The following RBFOX1 variants were observed in gnomAD, a reference collection of about 807,000 sequenced individuals.
RBFOX1 encodes the protein RNA binding fox-1 homolog 1.
RBFOX1 carries 8 observed loss-of-function variants against 57.7 expected under a neutral mutation model. That is an observed-to-expected ratio of 0.14 (90% CI 0.08 to 0.25). The LOEUF is 0.25. RBFOX1 is among the 10% of genes least tolerant of loss of function. The pLI, the probability that RBFOX1 is intolerant of heterozygous loss-of-function variation, is 1.00. For synonymous variants in RBFOX1, 326 were observed against 222.4 expected (o/e 1.47, Z -4.15); for missense variants, 611 against 548.5 (o/e 1.11, Z -1.14).
chr16:6,824,230 C>T (rs1280505486), intron 3 of RBFOX1, among the ~76,000 whole-genome samples: 1 of 152,178 alleles, frequency 6.6e-6, no homozygotes, highest in Non-Finnish European at 1.5e-5. Context: ...CATGGCGAAA[C>T]TCCATCTCCA....
chr16:7,509,946 T>G (rs1243297490), intron 4 of RBFOX1, among the ~76,000 whole-genome samples: 1 of 149,688 alleles, frequency 6.7e-6, no homozygotes, highest in Non-Finnish European at 1.5e-5. Flanking sequence ...TAAACAGCTA[T>G]TAATGTGGTC....
intron 2 of RBFOX1, chr16:6,483,845 A>T (rs1436402368): frequency 8.2e-7 from 1 of 1,212,724 alleles, no homozygotes; most frequent in African/African-American, 1.6e-5. Context: ...TTGGCCGTGG[A>T]TGGAATCCGG....
At chr16:6,395,004 A>G (rs563962170) in intron 2 of RBFOX1, among the ~76,000 whole-genome samples, 1 of 152,210 alleles carries the variant, frequency 6.6e-6, no homozygotes, top group Non-Finnish European at 1.5e-5. Context: ...GAAAATGATA[A>G]TCAGGGAAAT....
At chr16:6,795,242 A>T (rs1010989604) in intron 3 of RBFOX1, among the ~76,000 whole-genome samples, 2 of 152,026 alleles carry the variant, frequency 1.3e-5, no homozygotes, top group Admixed American at 6.6e-5. Flanking sequence ...AACCACCTAA[A>T]TTTTTTAATT....
intron 4 of RBFOX1, among the ~76,000 whole-genome samples, chr16:7,133,748 C>T (rs1045126103): frequency 6.6e-6 from 1 of 151,882 alleles, no homozygotes; most frequent in African/African-American, 2.4e-5. Context: ...TAGAATAACA[C>T]ATCATTAAGA....
At chr16:7,679,193 G>A (rs1381257649) in intron 14 of RBFOX1, among the ~76,000 whole-genome samples, 6 of 152,160 alleles carry the variant, frequency 3.9e-5, no homozygotes, top group Non-Finnish European at 8.8e-5. Context: ...TCTGTAATAA[G>A]CAGATATTGA....
At chr16:6,039,319 G>A (rs1412424967) in intron 1 of RBFOX1, among the ~76,000 whole-genome samples, 5 of 144,078 alleles carry the variant, frequency 3.5e-5, no homozygotes, top group African/African-American at 1.0e-4. Context: ...AAAAATCTGA[G>A]GATAAGCTGT....
intron 3 of RBFOX1, among the ~76,000 whole-genome samples, chr16:7,046,163 G>A (rs535671556): frequency 6.6e-6 from 1 of 151,916 alleles, no homozygotes; most frequent in South Asian, 2.1e-4. Context: ...CAGCCATTTA[G>A]TTTATATTTT....
intron 4 of RBFOX1, among the ~76,000 whole-genome samples, chr16:5,977,076 C>G (rs779226492): frequency 6.6e-6 from 1 of 152,024 alleles, no homozygotes; most frequent in Non-Finnish European, 1.5e-5. Flanking sequence ...GTCTCAGAGC[C>G]CAGGAATCTG....
chr16:5,380,815 C>T (rs149942227), intron 1 of RBFOX1, among the ~76,000 whole-genome samples: 386 of 152,320 alleles, frequency 2.5e-3, no homozygotes, highest in Non-Finnish European at 4.1e-3. Flanking sequence ...TTGCTTTGTG[C>T]CCTATGCACT....
At chr16:7,136,643 C>G (rs557755409) in intron 4 of RBFOX1, among the ~76,000 whole-genome samples, 14 of 152,128 alleles carry the variant, frequency 9.2e-5, no homozygotes, top group Admixed American at 6.5e-5. Context: ...TCTTGAACTC[C>G]TGGCCTCAAA....
Position 7,710,252 on chromosome 16 carries a change from A to C in RBFOX1, c.1072-371A>C, listed in dbSNP as rs550009499. ...AACTCTGCTTCAACACCTAGTCCACATGAGGAATGTGTTGGAGAGTTGAAT... is the reference window on the plus strand; with the variant it reads ...AACTCTGCTTCAACACCTAGTCCACCTGAGGAATGTGTTGGAGAGTTGAAT... On this transcript the variant is annotated intron_variant, in intron 15 of 15. Transcript: ENST00000550418. 16 of 1,079,728 alleles carry C rather than the reference A, an allele frequency of 1.5e-5. 1 individual carries two copies. The South Asian group carries it at 5.0e-4, about 34-fold the overall frequency. The allele number at this position is 1,079,728 out of a possible 1,614,324, so 66.9% of individuals were successfully genotyped here.
chr16:7,347,817 C>A (rs2097046628), intron 4 of RBFOX1, among the ~76,000 whole-genome samples: 1 of 152,160 alleles, frequency 6.6e-6, no homozygotes, highest in Non-Finnish European at 1.5e-5. Context: ...GCTGAGTAGT[C>A]CTGGGAAAGC....
intron 4 of RBFOX1, 80 bp from the exon 5 acceptor site, chr16:7,518,067 C>CCTGGGATCTGGGATCTGGGAT (rs2076756395): frequency 6.6e-7 from 1 of 1,518,406 alleles, no homozygotes; most frequent in African/African-American, 1.4e-5. Flanking sequence ...GCACGATCGT[C>CCTGGGATCTGGGATCTGGGAT]CTGGGATCTG....
intron 4 of RBFOX1, among the ~76,000 whole-genome samples, chr16:6,009,925 A>G (rs1247059540): frequency 6.6e-6 from 1 of 152,120 alleles, no homozygotes; most frequent in Admixed American, 6.6e-5. Flanking sequence ...CTGGATTTTG[A>G]TAAGCATTAC....
chr16:6,125,692 A>G (rs1166070085), intron 1 of RBFOX1, among the ~76,000 whole-genome samples: 5 of 152,158 alleles, frequency 3.3e-5, no homozygotes, highest in Admixed American at 1.3e-4. Flanking sequence ...TGCGTGTCTA[A>G]CCTGGATTGA....
intron 4 of RBFOX1, among the ~76,000 whole-genome samples, chr16:7,280,048 C>T (rs909312320): frequency 4.1e-4 from 63 of 152,122 alleles, no homozygotes; most frequent in African/African-American, 1.3e-3. Flanking sequence ...GTTCCCGCTG[C>T]GATTGGATCT....
intron 2 of RBFOX1, among the ~76,000 whole-genome samples, chr16:6,355,285 G>GC (rs1300777711): frequency 2.7e-5 from 4 of 150,722 alleles, no homozygotes. Flanking sequence ...CACTCCCCCA[G>GC]CCCCCCAGCC....
chr16:6,218,981 A>G (rs2097354344), intron 1 of RBFOX1, among the ~76,000 whole-genome samples: 1 of 152,202 alleles, frequency 6.6e-6, no homozygotes, highest in African/African-American at 2.4e-5. Context: ...AGTAGCACGT[A>G]TGTCAAAATG....
Sources: allele counts gnomAD v4.1 joint callset (sites outside exome capture counted in the v4.1 genomes callset), GRCh38; gene constraint gnomAD v4.1.1; transcripts MANE v1.5; gene names NCBI Gene and HGNC (gene_info 2026-07-23, HGNC 2026-07-21).